ANKRD28: variants seen among roughly 807,000 people sequenced by gnomAD.
ANKRD28 encodes the protein serine/threonine-protein phosphatase 6 regulatory ankyrin repeat subunit A.
A neutral mutation model predicts 126.5 loss-of-function variants in ANKRD28; 44 were observed. The observed-to-expected ratio is 0.35, with a 90% CI of 0.27 to 0.45. The LOEUF is 0.45. ANKRD28 is among the 20% of genes least tolerant of loss of function. ANKRD28 has a pLI of 1.00. For missense variants in ANKRD28, 1,110 were observed against 1,316.6 expected, an observed-to-expected ratio of 0.84 and a Z score of 2.43; for synonymous variants, 442 against 468.5, an observed-to-expected ratio of 0.94 and a Z score of 0.73.
intron 23 of ANKRD28, among the ~76,000 whole-genome samples, chr3:15,678,943 G>A (rs1181862706): frequency 1.3e-5 from 2 of 152,166 alleles, no homozygotes; most frequent in African/African-American, 4.8e-5. Context: ...CCAGCCAGTA[G>A]TTAAAATTTA....
upstream of ANKRD28, among the ~76,000 whole-genome samples, chr3:15,802,305 G>A (rs1575734271): frequency 6.6e-6 from 1 of 152,256 alleles, no homozygotes; most frequent in East Asian, 1.9e-4. Context: ...ACACTAGAAG[G>A]GAGCTGGGTC....
intron 1 of ANKRD28, among the ~76,000 whole-genome samples, chr3:15,813,549 G>A (rs1044007965): frequency 1.3e-5 from 2 of 152,162 alleles, no homozygotes; most frequent in South Asian, 4.2e-4. Flanking sequence ...ACTGCACCTT[G>A]GTAATGACAA....
intron 8 of ANKRD28, among the ~76,000 whole-genome samples, chr3:15,720,478 ATC>A (rs1303014442): frequency 6.6e-6 from 1 of 152,204 alleles, no homozygotes; most frequent in African/African-American, 2.4e-5. Flanking sequence ...AGGGTTAAAC[ATC>A]TGTTTAGTAT....
intron 4 of ANKRD28, among the ~76,000 whole-genome samples, chr3:15,751,305 A>G (rs58628580): frequency 0.14 from 20,911 of 152,244 alleles, 2,164 homozygotes; most frequent in East Asian, 0.58. Context: ...TTAAAGTTAT[A>G]TATTTATAAC....
Position 15,667,277 on chromosome 3 carries a change from T to C in ANKRD28, c.*2993A>G, listed in dbSNP as rs1480484023. ...ACTTTATTTCTTTTAAAAGGTCCAA[T>C]ATAAGCCAAATTAACCCCAAAATTT... On this transcript the variant is annotated 3_prime_UTR_variant, in exon 28 of 28. Coordinates refer to ENST00000683139, the MANE Select transcript of ANKRD28 (RefSeq NM_001349278.2). 6.6e-6 allele frequency: 1 copy of C among 152,214 alleles called. No homozygotes were observed. Among genetic ancestry groups the C allele is most frequent in the Non-Finnish European group, 1.5e-5 (1 of 68,036 alleles). The allele number at this position is 152,214 out of a possible 1,614,324, so 9.4% of individuals were successfully genotyped here.
At chr3:15,747,250 G>C (rs1375195801) in intron 4 of ANKRD28, among the ~76,000 whole-genome samples, 1 of 150,762 alleles carries the variant, frequency 6.6e-6, no homozygotes, top group Non-Finnish European at 1.5e-5. Flanking sequence ...GGGTTTGGGT[G>C]GTTCTTGTTT....
At chr3:15,685,531 A>ATAC (rs2125761719) in intron 20 of ANKRD28, 86 bp from the exon 21 acceptor site, 1 of 1,132,694 alleles carries the variant, frequency 8.8e-7, no homozygotes, top group Admixed American at 1.8e-5. Flanking sequence ...TTTAAAGACC[A>ATAC]TACTCTCCAT....
intron 1 of ANKRD28, among the ~76,000 whole-genome samples, chr3:15,855,186 A>G (rs2061737822): frequency 6.6e-6 from 1 of 152,110 alleles, no homozygotes; most frequent in Non-Finnish European, 1.5e-5. Context: ...AAGAACCGTC[A>G]TTTTTTGTGT....
chr3:15,696,045 T>C, intron 15 of ANKRD28, 89 bp downstream of exon 15: 1 of 899,408 alleles, frequency 1.1e-6, no homozygotes, highest in South Asian at 1.6e-5. Flanking sequence ...AAAATGGAAT[T>C]TGTTCCTTGA....
chr3:15,698,537 C>G (rs1471325289), intron 14 of ANKRD28, among the ~76,000 whole-genome samples: 3 of 152,212 alleles, frequency 2.0e-5, no homozygotes, highest in Non-Finnish European at 2.9e-5. Flanking sequence ...GCAACTTCAG[C>G]AAAGTCTCAG....
intron 1 of ANKRD28, among the ~76,000 whole-genome samples, chr3:15,820,659 A>C (rs2060924286): frequency 6.6e-6 from 1 of 152,168 alleles, no homozygotes; most frequent in Admixed American, 6.5e-5. Context: ...AAAATACTCC[A>C]AAGACATTGA....
At chr3:15,691,134 T>G (rs902176798) in intron 17 of ANKRD28, among the ~76,000 whole-genome samples, 1 of 151,802 alleles carries the variant, frequency 6.6e-6, no homozygotes, top group Non-Finnish European at 1.5e-5. Context: ...TCTTTTTTTT[T>G]TTTTTTTGAG....
intron 8 of ANKRD28, among the ~76,000 whole-genome samples, chr3:15,719,761 C>T (rs1348543635): frequency 6.6e-6 from 1 of 151,996 alleles, no homozygotes; most frequent in Non-Finnish European, 1.5e-5. Flanking sequence ...TGCTATGTTG[C>T]CCAGGCTGGT....
chr3:15,783,364 T>C (rs1267448836), intron 2 of ANKRD28, among the ~76,000 whole-genome samples: 1 of 152,044 alleles, frequency 6.6e-6, no homozygotes, highest in African/African-American at 2.4e-5. Context: ...TTTAAAAGAC[T>C]GATTATACGA....
intron 13 of ANKRD28, 139 bp from the exon 14 acceptor site, chr3:15,708,203 C>T (rs904111654): frequency 9.5e-6 from 9 of 950,826 alleles, no homozygotes; most frequent in South Asian, 9.2e-5. Flanking sequence ...CTAAGTCTTG[C>T]GGAGGACTGG....
intron 2 of ANKRD28, among the ~76,000 whole-genome samples, chr3:15,786,086 A>G (rs549669390): frequency 6.6e-6 from 1 of 152,196 alleles, no homozygotes; most frequent in East Asian, 1.9e-4. Flanking sequence ...ACTCTGTATG[A>G]AACTATAATG....
intron 13 of ANKRD28, among the ~76,000 whole-genome samples, chr3:15,709,201 A>G (rs369723081): frequency 2.6e-5 from 4 of 152,290 alleles, no homozygotes; most frequent in South Asian, 4.1e-4. Context: ...ATAGAAGAGG[A>G]GAAAGAAAAA....
intron 2 of ANKRD28, among the ~76,000 whole-genome samples, chr3:15,774,481 A>T (rs368390712): frequency 6.6e-6 from 1 of 152,346 alleles, no homozygotes. Context: ...TATTTGGAAA[A>T]GAATGAAAAC....
At chr3:15,709,485 A>C (rs2071937982) in intron 13 of ANKRD28, among the ~76,000 whole-genome samples, 183 bp downstream of exon 13, 1 of 152,188 alleles carries the variant, frequency 6.6e-6, no homozygotes, top group African/African-American at 2.4e-5. Flanking sequence ...GTAGGGACTC[A>C]AGAAGAAAAC....
Sources: allele counts gnomAD v4.1 joint callset (sites outside exome capture counted in the v4.1 genomes callset), GRCh38; gene constraint gnomAD v4.1.1; transcripts MANE v1.5; gene names NCBI Gene and HGNC (gene_info 2026-07-23, HGNC 2026-07-21).